P2RX3: variants seen among roughly 807,000 people sequenced by gnomAD.
P2RX3 encodes the protein P2X purinoceptor 3.
P2RX3 carries 41 observed loss-of-function variants against 51.5 expected under a neutral mutation model. The observed-to-expected ratio is 0.80, with a 90% CI of 0.62 to 1.03. P2RX3 has a LOEUF of 1.03. Ranked by LOEUF, P2RX3 falls within the 50% of genes least tolerant of loss-of-function variation. The pLI, the probability that P2RX3 is intolerant of heterozygous loss-of-function variation, is 0.00. For synonymous variants in P2RX3, 185 were observed against 191.6 expected (o/e 0.97, Z 0.29); for missense variants, 459 against 522.1 (o/e 0.88, Z 1.18).
In P2RX3 at chr11:57,348,157, G is replaced by A; in HGVS notation, c.392-13G>A. On this transcript the variant is annotated splice_polypyrimidine_tract_variant and intron_variant, in intron 4 of 11. Coordinates refer to ENST00000263314, the MANE Select transcript of P2RX3 (RefSeq NM_002559.5). The stretch of plus-strand genomic sequence containing the variant: ...GGCAGGCAGCCACCCAGCAGCTGTG[G>A]CTCTCACTTTAGGGATCCTCACTGG... 6.4e-7 allele frequency: 1 copy of A among 1,568,258 alleles called. No individual in the cohort carries two copies. The highest frequency in any genetic ancestry group is 8.7e-7 in the Non-Finnish European group (1 of 1,155,024).
chr11:57,350,998 T>C (rs373030713), intron 8 of P2RX3, 100 bp downstream of exon 8: 143,378 of 1,528,926 alleles, frequency 0.094, 7,244 homozygotes, highest in Non-Finnish European at 0.11. Flanking sequence ...CACCCACCCC[T>C]GGCCCCAAGT....
chr11:57,344,529 T>C (rs1053344497), intron 1 of P2RX3, among the ~76,000 whole-genome samples: 1 of 152,020 alleles, frequency 6.6e-6, no homozygotes, highest in Non-Finnish European at 1.5e-5. Flanking sequence ...GAAAACCCCG[T>C]CTCTACTAAA....
At chr11:57,367,269 G>A (rs761327890) in intron 8 of P2RX3, among the ~76,000 whole-genome samples, 24 of 152,168 alleles carry the variant, frequency 1.6e-4, no homozygotes, top group Non-Finnish European at 2.6e-4. Flanking sequence ...CTGGCCCAAC[G>A]TTGCACAGTC....
chr11:57,367,823 G>A (rs1348241421), intron 8 of P2RX3, among the ~76,000 whole-genome samples, 186 bp from the exon 9 acceptor site: 2 of 152,152 alleles, frequency 1.3e-5, no homozygotes, highest in Non-Finnish European at 2.9e-5. Context: ...TTTATAACAA[G>A]CCCCCAAGAT....
chr11:57,347,505 C>G (rs117234039), intron 4 of P2RX3, 27 bp downstream of exon 4: 1 of 1,551,210 alleles, frequency 6.4e-7, no homozygotes, highest in Middle Eastern at 1.9e-4. Flanking sequence ...ACCCACCCCA[C>G]AATCCCAAGT....
chr11:57,366,636 C>T (rs1472477030), intron 8 of P2RX3, among the ~76,000 whole-genome samples: 1 of 152,148 alleles, frequency 6.6e-6, no homozygotes, highest in Non-Finnish European at 1.5e-5. Context: ...CTACAAAATA[C>T]CTGAATCTGG....
At chr11:57,344,904 C>T (rs996529080) in intron 1 of P2RX3, among the ~76,000 whole-genome samples, 6 of 152,014 alleles carry the variant, frequency 3.9e-5, no homozygotes, top group African/African-American at 7.2e-5. Context: ...CTGGGACCCC[C>T]GGTACGTTCT....
At chr11:57,361,344 A>T (rs1298716261) in intron 8 of P2RX3, among the ~76,000 whole-genome samples, 1 of 151,476 alleles carries the variant, frequency 6.6e-6, no homozygotes, top group Non-Finnish European at 1.5e-5. Flanking sequence ...CAGGTTTGTT[A>T]CGTAGGTAAA....
chr11:57,364,047 G>A (rs192797826), intron 8 of P2RX3, among the ~76,000 whole-genome samples: 4 of 152,266 alleles, frequency 2.6e-5, no homozygotes, highest in Non-Finnish European at 5.9e-5. Context: ...CCCAGGATAC[G>A]ACTTTTTGTT....
intron 1 of P2RX3, among the ~76,000 whole-genome samples, chr11:57,344,847 G>A (rs58042413): frequency 0.017 from 2,654 of 152,220 alleles, 84 homozygotes; most frequent in African/African-American, 0.061. Flanking sequence ...GCAAATATCC[G>A]CTGGGGTTTG....
upstream of P2RX3, among the ~76,000 whole-genome samples, chr11:57,336,934 T>C (rs546604781): frequency 2.6e-5 from 4 of 152,292 alleles, no homozygotes; most frequent in South Asian, 8.3e-4. Context: ...GTTTAATAAA[T>C]AGATATTGAG....
chr11:57,336,874 C>G (rs908160599), upstream of P2RX3, among the ~76,000 whole-genome samples: 1 of 152,208 alleles, frequency 6.6e-6, no homozygotes, highest in Non-Finnish European at 1.5e-5. Context: ...TAGCTTTAAC[C>G]TCTGAGTAGT....
chr11:57,369,291 A>C (rs1590644799), intron 10 of P2RX3, 70 bp from the exon 11 acceptor site: 1 of 1,384,968 alleles, frequency 7.2e-7, no homozygotes, highest in Admixed American at 2.0e-5. Context: ...CGAGCCCAGC[A>C]CTTCCTGCCA....
chr11:57,356,812 A>AC, intron 8 of P2RX3, among the ~76,000 whole-genome samples: 1 of 125,862 alleles, frequency 7.9e-6, no homozygotes, highest in Admixed American at 9.6e-5. Flanking sequence ...TCCATAATCC[A>AC]TTTTCTTCAT....
At position 57,354,116 on chromosome 11, in the gene P2RX3, C is replaced by T. The variant is rs116412534; in HGVS notation, c.842+3218C>T. ...CTGACACTGGGGGATATCTGATCTC[C>T]GTGGCAAGCAAAGTGGCCTGCTCCA... On this transcript the variant is annotated intron_variant, in intron 8 of 11. Coordinates refer to ENST00000263314, the MANE Select transcript of P2RX3 (RefSeq NM_002559.5). Among the ~76,000 whole-genome samples, 725 of 152,154 alleles carry T rather than the reference C, an allele frequency of 4.8e-3. 6 individuals carry two copies. The highest frequency in any genetic ancestry group is 0.016 in the African/African-American group (672 of 41,466).
intron 8 of P2RX3, among the ~76,000 whole-genome samples, chr11:57,358,190 C>T (rs1190085520): frequency 6.6e-6 from 1 of 152,232 alleles, no homozygotes; most frequent in African/African-American, 2.4e-5. Flanking sequence ...GTACTTCTAA[C>T]AGTTAGAGCT....
chr11:57,350,641 C>T (rs1856529409), intron 7 of P2RX3, 121 bp from the exon 8 acceptor site: 3 of 1,360,924 alleles, frequency 2.2e-6, no homozygotes, highest in Admixed American at 2.1e-5. Flanking sequence ...TCCCTGCCTC[C>T]GTCTCCCACC....
intron 6 of P2RX3, among the ~76,000 whole-genome samples, chr11:57,348,971 C>T (rs1460571300): frequency 6.6e-6 from 1 of 152,204 alleles, no homozygotes; most frequent in African/African-American, 2.4e-5. Flanking sequence ...AGAGGGACAA[C>T]TTAGGCCTAG....
intron 8 of P2RX3, among the ~76,000 whole-genome samples, chr11:57,364,547 A>G (rs1856769437): frequency 6.6e-6 from 1 of 152,228 alleles, no homozygotes; most frequent in East Asian, 1.9e-4. Context: ...GTGATGGTCT[A>G]TAAGGACCTC....
Sources: gnomAD v4.1 joint callset for allele counts (sites outside exome capture counted in the v4.1 genomes callset) on GRCh38, gnomAD v4.1.1 for gene constraint, MANE v1.5 for transcripts, NCBI Gene and HGNC (gene_info 2026-07-23, HGNC 2026-07-21) for gene names.